The following OSBPL10 variants were observed in gnomAD, a reference collection of about 807,000 sequenced individuals.
The protein encoded by OSBPL10 is oxysterol-binding protein-related protein 10.
A neutral mutation model predicts 81.7 loss-of-function variants in OSBPL10; 49 were observed. The ratio of observed to expected loss-of-function variants is 0.60; its 90% CI spans 0.48 to 0.76. The LOEUF (loss-of-function observed/expected upper bound fraction) is 0.76. Among genes scored for constraint, OSBPL10 ranks in the 30% least tolerant of loss-of-function variants. The pLI is 0.00. For missense variants in OSBPL10, 923 were observed against 987.8 expected, an observed-to-expected ratio of 0.93 and a Z score of 0.88; for synonymous variants, 419 against 383.6, an observed-to-expected ratio of 1.09 and a Z score of -1.08.
At chr3:32,019,680 TA>T in intron 2 of OSBPL10, among the ~76,000 whole-genome samples, 1 of 152,306 alleles carries the variant, frequency 6.6e-6, no homozygotes, top group Non-Finnish European at 1.5e-5. Context: ...TGAATTTTTT[TA>T]AAAAAGATTC....
At chr3:31,825,286 C>G (rs115397825) in intron 4 of OSBPL10, among the ~76,000 whole-genome samples, 1 of 152,110 alleles carries the variant, frequency 6.6e-6, no homozygotes, top group African/African-American at 2.4e-5. Context: ...CACAGATGCA[C>G]AGGCCAGAAT....
At position 31,695,036 on chromosome 3, in the gene OSBPL10, A is replaced by G. The variant is rs1695671420; in HGVS notation, c.1245+7323T>C. Among the ~76,000 whole-genome samples, 3 of 152,186 alleles carry G rather than the reference A, an allele frequency of 2.0e-5. No homozygotes were observed. The South Asian group carries it at 6.2e-4, about 31-fold the overall frequency. On this transcript the variant is annotated intron_variant, in intron 7 of 11. Transcript: ENST00000396556. ...CCCAAAGTGCTGGAATTACAGGCAC[A>G]AGCCACCCGGCCTCAAAGCATGAAT...
intron 2 of OSBPL10, among the ~76,000 whole-genome samples, chr3:31,877,401 A>C (rs1343194018): frequency 1.3e-5 from 2 of 152,216 alleles, no homozygotes; most frequent in African/African-American, 4.8e-5. Context: ...AAGTGCAAGT[A>C]GTCATGTTGT....
At chr3:31,893,233 T>C (rs1695952747) in intron 1 of OSBPL10, among the ~76,000 whole-genome samples, 1 of 152,112 alleles carries the variant, frequency 6.6e-6, no homozygotes, top group African/African-American at 2.4e-5. Context: ...AAGCAACCCA[T>C]TCAAGAAATG....
At chr3:32,036,644 G>C (rs990897438) in intron 2 of OSBPL10, among the ~76,000 whole-genome samples, 2 of 152,066 alleles carry the variant, frequency 1.3e-5, no homozygotes, top group African/African-American at 4.8e-5. Flanking sequence ...TAAATGCAAT[G>C]TGTTGGGACA....
chr3:31,698,572 C>A (rs1017304194), intron 7 of OSBPL10, among the ~76,000 whole-genome samples: 9 of 152,166 alleles, frequency 5.9e-5, no homozygotes, highest in Non-Finnish European at 1.2e-4. Flanking sequence ...ATATCCTAAA[C>A]GGCCCTATAA....
chr3:31,677,997 C>A (rs531006254), intron 8 of OSBPL10, among the ~76,000 whole-genome samples: 70 of 146,248 alleles, frequency 4.8e-4, no homozygotes, highest in Non-Finnish European at 8.7e-4. Context: ...AGGAGAATGG[C>A]GTGAACCCAG....
rs1448072692 is a variant in OSBPL10, at chr3:31,780,776, G to A, written c.730-32656C>T. Among the ~76,000 whole-genome samples, 3 of 152,090 alleles carry A rather than the reference G, an allele frequency of 2.0e-5. No homozygotes were observed. The East Asian group carries it at 5.8e-4, about 29-fold the overall frequency. Reference sequence around the variant, plus strand: ...TAAATTAGGAAGAAATAGAAACTCTGAACAGACCAATAACAAGTAGTGAGA... The same window carrying A: ...TAAATTAGGAAGAAATAGAAACTCTAAACAGACCAATAACAAGTAGTGAGA... On this transcript the variant is annotated intron_variant, in intron 4 of 11. Coordinates refer to ENST00000396556, the MANE Select transcript of OSBPL10 (RefSeq NM_017784.5).
At chr3:31,852,767 C>CG (rs1293159705) in intron 3 of OSBPL10, among the ~76,000 whole-genome samples, 1 of 151,768 alleles carries the variant, frequency 6.6e-6, no homozygotes, top group Non-Finnish European at 1.5e-5. Context: ...TTAGTAGCGA[C>CG]GGGGTTTCAC....
chr3:31,978,446 T>C (rs753541936), intron 1 of OSBPL10, among the ~76,000 whole-genome samples: 6 of 152,146 alleles, frequency 3.9e-5, no homozygotes, highest in Non-Finnish European at 7.4e-5. Context: ...ATTTTCAAAG[T>C]TTCTATTTTT....
Position 31,780,929 on chromosome 3 carries a change from G to A in OSBPL10, c.730-32809C>T, listed in dbSNP as rs531361664. On this transcript the variant is annotated intron_variant, in intron 4 of 11. Coordinates refer to ENST00000396556, the MANE Select transcript of OSBPL10 (RefSeq NM_017784.5). ...TACCAATCTTACTGAAAGTATTGCA[G>A]AAGATAAAGAGGGAATCCTCCATAA... Among the ~76,000 whole-genome samples the A allele has an allele frequency of 6.2e-4, 94 of 151,554 alleles. 1 individual carries two copies. Among genetic ancestry groups the A allele is most frequent in the African/African-American group, 2.2e-3 (90 of 41,234 alleles).
intron 4 of OSBPL10, among the ~76,000 whole-genome samples, chr3:31,755,545 C>T (rs1053569304): frequency 1.3e-4 from 20 of 152,154 alleles, no homozygotes; most frequent in African/African-American, 2.9e-4. Flanking sequence ...TGAGGCTGAC[C>T]GTCACTAAGT....
At chr3:31,884,080 A>C (rs1289886028) in intron 1 of OSBPL10, among the ~76,000 whole-genome samples, 2 of 152,220 alleles carry the variant, frequency 1.3e-5, no homozygotes, top group Non-Finnish European at 2.9e-5. Context: ...ATTGAAGAGG[A>C]CATTATTTAG....
intron 1 of OSBPL10, among the ~76,000 whole-genome samples, chr3:31,911,193 A>G (rs1429469175): frequency 2.6e-5 from 4 of 152,228 alleles, no homozygotes; most frequent in Non-Finnish European, 4.4e-5. Context: ...GAAAAAGTCA[A>G]TATTTTAGCT....
chr3:31,709,167 AGCT>A (rs1436709044), intron 6 of OSBPL10: 1 of 431,214 alleles, frequency 2.3e-6, no homozygotes, highest in Admixed American at 6.4e-5. Flanking sequence ...AGCTAGTCCC[AGCT>A]GCCTTTCGGA....
At chr3:31,742,561 C>A (rs1018505707) in intron 5 of OSBPL10, among the ~76,000 whole-genome samples, 5 of 152,212 alleles carry the variant, frequency 3.3e-5, no homozygotes, top group African/African-American at 4.8e-5. Flanking sequence ...CTTGCTCTGG[C>A]AGCTATGACT....
At chr3:31,961,517 A>AGT (rs1559533186) in intron 1 of OSBPL10, among the ~76,000 whole-genome samples, 1 of 152,118 alleles carries the variant, frequency 6.6e-6, no homozygotes, top group Non-Finnish European at 1.5e-5. Context: ...CTATTTAGAG[A>AGT]GTGTGTGTGT....
At chr3:32,071,625 T>C (rs1699829516) in intron 1 of OSBPL10, among the ~76,000 whole-genome samples, 2 of 152,244 alleles carry the variant, frequency 1.3e-5, no homozygotes, top group African/African-American at 4.8e-5. Context: ...CCTAATACTT[T>C]TAGAGGCCCT....
chr3:32,058,440 G>A (rs1699729166), intron 1 of OSBPL10, among the ~76,000 whole-genome samples: 1 of 152,098 alleles, frequency 6.6e-6, no homozygotes, highest in African/African-American at 2.4e-5. Context: ...CAATTCTCCT[G>A]CCTCAGTTTC....
Sources: allele counts gnomAD v4.1 joint callset (sites outside exome capture counted in the v4.1 genomes callset), GRCh38; gene constraint gnomAD v4.1.1; transcripts MANE v1.5; gene names NCBI Gene and HGNC (gene_info 2026-07-23, HGNC 2026-07-21).